Variants in CCDC14 observed in about 807,000 individuals in gnomAD.
CCDC14 encodes the protein coiled-coil domain-containing protein 14.
In CCDC14, 71 loss-of-function variants were observed where a neutral mutation model predicts 81.4. The ratio of observed to expected loss-of-function variants is 0.87; its 90% CI spans 0.72 to 1.06. The LOEUF (loss-of-function observed/expected upper bound fraction) is 1.06. Among genes scored for constraint, CCDC14 ranks in the 50% least tolerant of loss-of-function variants. The pLI is 0.00. For synonymous variants in CCDC14, 332 were observed against 364.8 expected (o/e 0.91, Z 1.03); for missense variants, 1,046 against 1,047.3 (o/e 1.00, Z 0.02).
chr3:123,889,035 A>C, the CCDC14 span, among the ~76,000 whole-genome samples: 2 of 152,190 alleles, frequency 1.3e-5, no homozygotes, highest in African/African-American at 4.8e-5. Flanking sequence ...CTGCCTATGA[A>C]CCTGTAAAAT....
intron 5 of CCDC14, among the ~76,000 whole-genome samples, chr3:123,952,162 TGAAAG>T (rs964984859): frequency 6.6e-6 from 1 of 152,196 alleles, no homozygotes; most frequent in Non-Finnish European, 1.5e-5. Context: ...CTAGAATTCA[TGAAAG>T]GAAAGTATTC....
chr3:123,901,637 G>A (rs2034181817), intron 5 of CCDC14, among the ~76,000 whole-genome samples: 1 of 152,058 alleles, frequency 6.6e-6, no homozygotes, highest in Non-Finnish European at 1.5e-5. Context: ...TCCTTACCAA[G>A]AACTATAAAA....
intron 10 of CCDC14, among the ~76,000 whole-genome samples, chr3:123,931,745 A>T (rs1055614063): frequency 1.3e-5 from 2 of 152,180 alleles, no homozygotes; most frequent in Non-Finnish European, 1.5e-5. Context: ...TTAAGCATTA[A>T]TTTTTTAAAC....
In CCDC14 at chr3:123,945,006, G is replaced by A; in HGVS notation, c.1202-16C>T. The A allele has an allele frequency of 6.5e-7, 1 of 1,545,380 alleles. No individual in the cohort carries two copies. The highest frequency in any genetic ancestry group is 8.8e-7 in the Non-Finnish European group (1 of 1,133,864). On this transcript the variant is annotated splice_polypyrimidine_tract_variant and intron_variant, in intron 8 of 12. Coordinates refer to ENST00000409697, the MANE Select transcript of CCDC14 (RefSeq NM_001366335.1). ...TCTGAATCCTCTATAGAAGGCAACA[G>A]AAATGAGTAAAATCAATATTATATT... is the stretch of plus-strand genomic sequence containing the variant.
At chr3:123,926,005 A>AC (rs1164408873) in intron 12 of CCDC14, among the ~76,000 whole-genome samples, 5 of 151,966 alleles carry the variant, frequency 3.3e-5, no homozygotes, top group Admixed American at 3.3e-4. Context: ...GAATGCTGTA[A>AC]CGAATAATGA....
Position 123,900,340 on chromosome 3 carries a change from G to T in CCDC14, c.668-2727C>A, listed in dbSNP as rs192494585. On this transcript the variant is annotated intron_variant, in intron 5 of 5. Transcript: ENST00000479903. ...CCCACTGGAAAAACTGGCTAATTAAGTCAAGAGCCCTCACATGAACAGAAG... is the reference window on the plus strand; with the variant it reads ...CCCACTGGAAAAACTGGCTAATTAATTCAAGAGCCCTCACATGAACAGAAG... 2.2e-3 allele frequency among the ~76,000 whole-genome samples: 329 copies of T among 152,302 alleles called. 2 individuals are homozygous for T. The highest frequency in any genetic ancestry group is 0.014 in the Middle Eastern group (4 of 294).
intron 5 of CCDC14, among the ~76,000 whole-genome samples, chr3:123,904,953 T>A (rs1260096725): frequency 6.6e-6 from 1 of 152,024 alleles, no homozygotes; most frequent in Non-Finnish European, 1.5e-5. Context: ...TATGAAGACA[T>A]TATAAATCTG....
Position 123,915,601 on chromosome 3 carries a change from T to C in CCDC14, c.1896A>G (p.Gln632=). 2 of 1,613,992 alleles carry C rather than the reference T, an allele frequency of 1.2e-6. No homozygotes were observed. The highest frequency in any genetic ancestry group is 1.7e-6 in the Non-Finnish European group (2 of 1,179,864). ...SLLNIHDKQL[Q]HDPAPAHTSI... The stretch of plus-strand genomic sequence containing the variant: ...AAGTGTGAGCAGGAGCTGGGTCATG[T>C]TGAAGTTGTTTATCATGAATGTTCA... The change falls in exon 13 of 13, where the codon CAA becomes CAG. Residue 632 remains glutamine, a synonymous_variant. Coordinates refer to ENST00000409697, the MANE Select transcript of CCDC14 (RefSeq NM_001366335.1).
At chr3:123,885,474 C>A in the CCDC14 span, among the ~76,000 whole-genome samples, 1 of 92,226 alleles carries the variant, frequency 1.1e-5, no homozygotes, top group African/African-American at 3.4e-5. Flanking sequence ...CCCCTCCCCC[C>A]ACTCTTTTTT....
intron 12 of CCDC14, among the ~76,000 whole-genome samples, chr3:123,926,280 T>C (rs753925639): frequency 6.6e-6 from 1 of 152,026 alleles, no homozygotes; most frequent in South Asian, 2.1e-4. Context: ...GTAAGAAATA[T>C]GAAAACGTTA....
At chr3:123,924,071 T>A (rs1246159627) in intron 12 of CCDC14, among the ~76,000 whole-genome samples, 1 of 149,636 alleles carries the variant, frequency 6.7e-6, no homozygotes, top group Non-Finnish European at 1.5e-5. Flanking sequence ...GGAATTGAAA[T>A]CAAAACGGCA....
intron 5 of CCDC14, chr3:123,952,901 A>ACG (rs1425900573): frequency 4.8e-6 from 1 of 207,982 alleles, no homozygotes; most frequent in African/African-American, 2.3e-5. Context: ...CCAACCACAC[A>ACG]CACACACAAC....
chr3:123,930,070 T>C (rs1200598051), intron 12 of CCDC14, among the ~76,000 whole-genome samples: 1 of 152,224 alleles, frequency 6.6e-6, no homozygotes, highest in East Asian at 1.9e-4. Context: ...ATTATAATTA[T>C]ATGATTACAA....
chr3:123,949,372 T>C (rs2036872340), intron 5 of CCDC14: 2 of 467,910 alleles, frequency 4.3e-6, no homozygotes, highest in Non-Finnish European at 7.6e-6. Flanking sequence ...TCCCATTTTT[T>C]ATGCTACTTG....
At chr3:123,911,551 G>A (rs146697276), downstream of CCDC14, among the ~76,000 whole-genome samples, 63 of 152,194 alleles carry the variant, frequency 4.1e-4, no homozygotes, top group East Asian at 0.011. Context: ...TTAAGCCAAC[G>A]TTATCACTCT....
rs779840765 is a variant in CCDC14 at position 123,914,977 on chromosome 3, G to A, written c.2520C>T (p.Ser840=). 5.6e-6 allele frequency: 9 copies of A among 1,613,994 alleles called. No homozygotes were observed. The Admixed American group carries it at 1.0e-4, about 18-fold the overall frequency. ...TATTGCCTTTCACTTGAAGGCTGTT[G>A]CTAAGACAACCTGATGGGCCATGAC... The part of the protein sequence containing the change: ...TACHGPSGCL[S]NSLQVKGNTV... Residue 840 remains serine (S), a synonymous_variant, in exon 13 of 13, where the codon AGC becomes AGT. Transcript: ENST00000409697.
rs1386764787 is a variant in CCDC14 at position 123,944,725 on chromosome 3, T to G, written c.1343+124A>C. 4 of 602,224 alleles carry G rather than the reference T, an allele frequency of 6.6e-6. No individual in the cohort carries two copies. The African/African-American group carries it at 7.6e-5, about 11-fold the overall frequency. The allele number at this position is 602,224 out of a possible 1,614,324, so 37.3% of individuals were successfully genotyped here. On this transcript the variant is annotated intron_variant, in intron 9 of 12. Transcript: ENST00000409697. ...ATCTCTGAAAAATGAGGAAGAAAAG[T>G]AGAAATACAGTAAGACAGCAAATAA... is the stretch of plus-strand genomic sequence containing the variant.
intron 9 of CCDC14, among the ~76,000 whole-genome samples, chr3:123,935,387 A>G (rs1260632639): frequency 6.6e-6 from 1 of 152,190 alleles, no homozygotes; most frequent in African/African-American, 2.4e-5. Context: ...ATCTCTGACA[A>G]AATTATTCTA....
chr3:123,893,323 T>C (rs2034015521), downstream of CCDC14, among the ~76,000 whole-genome samples: 1 of 152,230 alleles, frequency 6.6e-6, no homozygotes, highest in Non-Finnish European at 1.5e-5. Context: ...ATAAGTGTAA[T>C]CATATAATAT....
Sources: allele counts gnomAD v4.1 joint callset (sites outside exome capture counted in the v4.1 genomes callset), GRCh38; gene constraint gnomAD v4.1.1; transcripts MANE v1.5; gene names NCBI Gene and HGNC (gene_info 2026-07-23, HGNC 2026-07-21).